Variants in CTNNA2 observed in about 807,000 individuals in gnomAD.
CTNNA2 encodes the protein catenin alpha 2.
A neutral mutation model predicts 101.0 loss-of-function variants in CTNNA2; 42 were observed. The observed-to-expected ratio is 0.42, with a 90% CI of 0.32 to 0.54. The LOEUF (loss-of-function observed/expected upper bound fraction) is 0.54, where lower values mean the gene tolerates loss of function less well. Ranked by LOEUF, CTNNA2 falls within the 20% of genes least tolerant of loss-of-function variation. The pLI is 0.14. For synonymous variants in CTNNA2, 450 were observed against 456.4 expected (o/e 0.99, Z 0.18); for missense variants, 871 against 1,223.1 (o/e 0.71, Z 4.29).
At chr2:79,834,921 GC>G (rs1190195688) in intron 3 of CTNNA2, among the ~76,000 whole-genome samples, 1 of 151,780 alleles carries the variant, frequency 6.6e-6, no homozygotes, top group Non-Finnish European at 1.5e-5. Context: ...TCAATATTTA[GC>G]ACTGTTTATT....
intron 9 of CTNNA2, among the ~76,000 whole-genome samples, chr2:80,477,364 T>TA (rs1327362514): frequency 1.3e-5 from 2 of 152,166 alleles, no homozygotes; most frequent in African/African-American, 4.8e-5. Flanking sequence ...ATATTTTCTT[T>TA]AAAAAAATCA....
intron 7 of CTNNA2, among the ~76,000 whole-genome samples, chr2:80,145,190 A>G (rs1422912594): frequency 6.6e-6 from 1 of 152,188 alleles, no homozygotes; most frequent in Non-Finnish European, 1.5e-5. Flanking sequence ...TAAATGATCT[A>G]TATAAAATCC....
At chr2:80,317,723 C>T (rs1056561563) in intron 7 of CTNNA2, among the ~76,000 whole-genome samples, 7 of 152,096 alleles carry the variant, frequency 4.6e-5, no homozygotes, top group African/African-American at 1.2e-4. Context: ...TCAGAAATCT[C>T]GTTTTGTATG....
At chr2:80,102,681 T>G (rs1700616432) in intron 7 of CTNNA2, among the ~76,000 whole-genome samples, 1 of 152,092 alleles carries the variant, frequency 6.6e-6, no homozygotes, top group Admixed American at 6.6e-5. Flanking sequence ...CCAGCTAATT[T>G]TTGTATTTTT....
At chr2:80,123,047 C>A (rs1241181607) in intron 7 of CTNNA2, among the ~76,000 whole-genome samples, 1 of 152,172 alleles carries the variant, frequency 6.6e-6, no homozygotes, top group African/African-American at 2.4e-5. Flanking sequence ...CCCACCACCT[C>A]CTTTCCTCTG....
chr2:80,316,971 A>G (rs1678188931), intron 7 of CTNNA2, among the ~76,000 whole-genome samples: 1 of 152,106 alleles, frequency 6.6e-6, no homozygotes, highest in East Asian at 1.9e-4. Context: ...TGCTTTATCT[A>G]CGGGTAGGCA....
chr2:80,312,390 G>A (rs1177654843), intron 7 of CTNNA2, among the ~76,000 whole-genome samples: 2 of 152,196 alleles, frequency 1.3e-5, no homozygotes, highest in African/African-American at 4.8e-5. Context: ...TTAGAAACAG[G>A]TAACTAAAAG....
chr2:79,385,355 A>T (rs1678086103), intron 4 of CTNNA2, among the ~76,000 whole-genome samples: 1 of 152,134 alleles, frequency 6.6e-6, no homozygotes, highest in South Asian at 2.1e-4. Context: ...CCAAAATGTC[A>T]CTTCTTCCGC....
chr2:80,630,494 G>T (rs1300349130), intron 18 of CTNNA2, among the ~76,000 whole-genome samples: 1 of 151,946 alleles, frequency 6.6e-6, no homozygotes, highest in Admixed American at 6.6e-5. Context: ...AAAATTAGCT[G>T]GGCATGGTGG....
chr2:79,500,694 G>A (rs903709770), intron 4 of CTNNA2: 3 of 152,230 alleles, frequency 2.0e-5, no homozygotes, highest in Admixed American at 6.5e-5. Context: ...GTGGAGGGAT[G>A]AGATTGTCTC....
chr2:80,090,897 T>G (rs2148820160), intron 7 of CTNNA2, among the ~76,000 whole-genome samples: 1 of 152,182 alleles, frequency 6.6e-6, no homozygotes, highest in South Asian at 2.1e-4. Context: ...TTACATTGGA[T>G]TTTCTGGAGA....
intron 4 of CTNNA2, among the ~76,000 whole-genome samples, chr2:79,397,330 G>A (rs1678243815): frequency 6.6e-6 from 1 of 151,990 alleles, no homozygotes; most frequent in African/African-American, 2.4e-5. Flanking sequence ...CTATCTAACT[G>A]TATTTTGGTA....
chr2:80,074,442 C>G (rs1293849283), intron 7 of CTNNA2, among the ~76,000 whole-genome samples: 1 of 152,142 alleles, frequency 6.6e-6, no homozygotes, highest in Non-Finnish European at 1.5e-5. Flanking sequence ...ATCTGAAGTT[C>G]ATTTGCAAGA....
At chr2:80,560,383 A>C (rs183379536) in intron 12 of CTNNA2, among the ~76,000 whole-genome samples, 1 of 152,172 alleles carries the variant, frequency 6.6e-6, no homozygotes, top group East Asian at 1.9e-4. Context: ...AAGAACTGTT[A>C]TTTGACTGCT....
At chr2:80,346,603 A>G (rs1672757729) in intron 7 of CTNNA2, among the ~76,000 whole-genome samples, 1 of 152,090 alleles carries the variant, frequency 6.6e-6, no homozygotes, top group Admixed American at 6.6e-5. Context: ...ATACTCCTCA[A>G]GTTCTTCCAT....
chr2:79,341,126 A>T (rs1677127830), intron 3 of CTNNA2, among the ~76,000 whole-genome samples: 1 of 152,124 alleles, frequency 6.6e-6, no homozygotes, highest in Non-Finnish European at 1.5e-5. Context: ...TACATTCATC[A>T]CACAACTGGT....
intron 2 of CTNNA2, among the ~76,000 whole-genome samples, chr2:79,730,480 C>T (rs1687128831): frequency 6.6e-6 from 1 of 151,672 alleles, no homozygotes; most frequent in Non-Finnish European, 1.5e-5. Flanking sequence ...ACTTAGTAGG[C>T]TTGTGTTAAA....
chr2:79,344,209 G>A (rs183876313), intron 3 of CTNNA2, among the ~76,000 whole-genome samples: 95 of 152,266 alleles, frequency 6.2e-4, no homozygotes, highest in African/African-American at 2.3e-3. Context: ...CCTCCCAGAC[G>A]TCCTGCACTG....
At chr2:79,922,535 T>C (rs1202440806) in intron 7 of CTNNA2, among the ~76,000 whole-genome samples, 4 of 152,130 alleles carry the variant, frequency 2.6e-5, no homozygotes, top group African/African-American at 9.7e-5. Context: ...CCTTTTTTTT[T>C]CCACCGCTGC....
Sources: gnomAD v4.1 joint callset for allele counts (sites outside exome capture counted in the v4.1 genomes callset) on GRCh38, gnomAD v4.1.1 for gene constraint, MANE v1.5 for transcripts, NCBI Gene and HGNC (gene_info 2026-07-23, HGNC 2026-07-21) for gene names.